Variants in SLC22A15 observed in about 807,000 individuals in gnomAD.
The protein encoded by SLC22A15 is flipt 1.
SLC22A15 carries 45 observed loss-of-function variants against 62.7 expected under a neutral mutation model. The ratio of observed to expected loss-of-function variants is 0.72; its 90% CI spans 0.56 to 0.92. SLC22A15 has a LOEUF of 0.92. Among genes scored for constraint, SLC22A15 ranks in the 40% least tolerant of loss-of-function variants. The pLI, the probability that SLC22A15 is intolerant of heterozygous loss-of-function variation, is 0.00. For missense variants in SLC22A15, 622 were observed against 665.6 expected (o/e 0.93, Z 0.72); for synonymous variants, 264 against 267.0 (o/e 0.99, Z 0.11).
intron 2 of SLC22A15, among the ~76,000 whole-genome samples, chr1:116,018,671 A>T (rs1312727641): frequency 6.6e-6 from 1 of 152,198 alleles, no homozygotes; most frequent in Non-Finnish European, 1.5e-5. Flanking sequence ...TTTATGGGCT[A>T]CATGGTGATG....
At chr1:115,991,277 G>A (rs1349289970) in intron 1 of SLC22A15, among the ~76,000 whole-genome samples, 1 of 152,130 alleles carries the variant, frequency 6.6e-6, no homozygotes. Flanking sequence ...GTGACAAATG[G>A]CATATATGTT....
intron 8 of SLC22A15, among the ~76,000 whole-genome samples, chr1:116,046,344 A>G (rs973577112): frequency 6.6e-6 from 1 of 152,244 alleles, no homozygotes; most frequent in African/African-American, 2.4e-5. Flanking sequence ...TATCTGTAAA[A>G]CATGTATCTG....
chr1:116,059,967 T>C (rs1045092258), intron 8 of SLC22A15, among the ~76,000 whole-genome samples: 1 of 152,242 alleles, frequency 6.6e-6, no homozygotes, highest in Non-Finnish European at 1.5e-5. Flanking sequence ...CAAGTGTTTT[T>C]TGAGATTTCC....
intron 2 of SLC22A15, among the ~76,000 whole-genome samples, chr1:115,997,956 A>G (rs775152376): frequency 9.1e-5 from 10 of 109,458 alleles, no homozygotes; most frequent in East Asian, 2.7e-4. Context: ...ATGTTGAGGC[A>G]TGTTCCTTCT....
chr1:116,043,446 G>A (rs1403173562), intron 8 of SLC22A15, among the ~76,000 whole-genome samples: 1 of 152,018 alleles, frequency 6.6e-6, no homozygotes, highest in Non-Finnish European at 1.5e-5. Flanking sequence ...AAAGTATACT[G>A]TATCATAGTT....
chr1:116,034,350 C>T (rs1657554149), intron 6 of SLC22A15, among the ~76,000 whole-genome samples: 1 of 152,114 alleles, frequency 6.6e-6, no homozygotes, highest in Non-Finnish European at 1.5e-5. Context: ...ACCACCATTA[C>T]TGTGTTTGAG....
chr1:116,000,706 C>T (rs1655685479), intron 2 of SLC22A15, among the ~76,000 whole-genome samples: 1 of 144,870 alleles, frequency 6.9e-6, no homozygotes, highest in Admixed American at 7.2e-5. Flanking sequence ...TCCCGGCTCA[C>T]TGCAAACTCT....
chr1:115,986,549 T>C (rs1345232807), intron 1 of SLC22A15, among the ~76,000 whole-genome samples: 4 of 152,178 alleles, frequency 2.6e-5, no homozygotes, highest in Non-Finnish European at 5.9e-5. Flanking sequence ...AGCTGAACTT[T>C]GAAGCTTGGA....
intron 4 of SLC22A15, among the ~76,000 whole-genome samples, chr1:116,023,772 G>T (rs1182305126): frequency 1.3e-5 from 2 of 152,212 alleles, no homozygotes; most frequent in East Asian, 3.8e-4. Context: ...AGGATAGTTA[G>T]AGAAAACCTC....
intron 2 of SLC22A15, among the ~76,000 whole-genome samples, chr1:116,016,400 T>TAAA (rs59907496): frequency 0.15 from 23,120 of 151,936 alleles, 3,327 homozygotes; most frequent in African/African-American, 0.39. Flanking sequence ...CTAATTTTTG[T>TAAA]GTGTTTTGTA....
At chr1:116,019,094 G>A (rs1570734981) in intron 2 of SLC22A15, among the ~76,000 whole-genome samples, 2 of 152,296 alleles carry the variant, frequency 1.3e-5, no homozygotes, top group East Asian at 1.9e-4. Flanking sequence ...GCCTGGAAAT[G>A]GAATTGCCAG....
intron 8 of SLC22A15, among the ~76,000 whole-genome samples, chr1:116,061,124 T>C (rs1267392569): frequency 6.6e-6 from 1 of 152,146 alleles, no homozygotes; most frequent in African/African-American, 2.4e-5. Context: ...AGCACCAGTG[T>C]ACATAGTGCT....
chr1:115,991,060 G>T (rs1022791098), intron 1 of SLC22A15, among the ~76,000 whole-genome samples: 6 of 152,168 alleles, frequency 3.9e-5, no homozygotes, highest in Non-Finnish European at 8.8e-5. Flanking sequence ...GGTATTTTAA[G>T]ACATCAAGTT....
chr1:116,047,068 G>A (rs1657946328), intron 8 of SLC22A15, among the ~76,000 whole-genome samples: 1 of 152,130 alleles, frequency 6.6e-6, no homozygotes, highest in African/African-American at 2.4e-5. Context: ...TACTACCATA[G>A]CTGGTGCTCT....
intron 2 of SLC22A15, 151 bp from the exon 3 acceptor site, chr1:116,019,431 C>A: frequency 1.4e-6 from 1 of 704,580 alleles, no homozygotes; most frequent in Non-Finnish European, 2.3e-6. Flanking sequence ...TCTGATTGGA[C>A]GTTGTCTGAG....
At chr1:116,053,778 C>T (rs1304007715) in intron 8 of SLC22A15, among the ~76,000 whole-genome samples, 4 of 151,920 alleles carry the variant, frequency 2.6e-5, no homozygotes, top group African/African-American at 4.8e-5. Flanking sequence ...GAATTTTCAA[C>T]CCAGAATTTC....
chr1:116,059,486 A>C (rs934291704), intron 8 of SLC22A15, among the ~76,000 whole-genome samples: 1 of 152,190 alleles, frequency 6.6e-6, no homozygotes, highest in Admixed American at 6.5e-5. Flanking sequence ...TCAACAACAA[A>C]AAAGGAAAGA....
At chr1:116,012,610 G>A (rs1259826611) in intron 2 of SLC22A15, among the ~76,000 whole-genome samples, 4 of 152,154 alleles carry the variant, frequency 2.6e-5, no homozygotes, top group Admixed American at 6.5e-5. Flanking sequence ...TTAAAAAATG[G>A]AAATTTATTA....
intron 2 of SLC22A15, among the ~76,000 whole-genome samples, chr1:116,007,857 C>T (rs957201057): frequency 6.6e-6 from 1 of 152,120 alleles, no homozygotes; most frequent in African/African-American, 2.4e-5. Flanking sequence ...AGAATAGAAG[C>T]CTTTAGTTTT....
Sources: allele counts gnomAD v4.1 joint callset (sites outside exome capture counted in the v4.1 genomes callset), GRCh38; gene constraint gnomAD v4.1.1; transcripts MANE v1.5; gene names NCBI Gene and HGNC (gene_info 2026-07-23, HGNC 2026-07-21).